The following GNL2 variants were observed in gnomAD, a reference collection of about 807,000 sequenced individuals.
GNL2 encodes the protein nucleolar GTP-binding protein 2.
Under a neutral mutation model 92.3 loss-of-function variants are expected in GNL2, and 51 were observed. The observed-to-expected ratio is 0.55, with a 90% CI of 0.44 to 0.70. The LOEUF (loss-of-function observed/expected upper bound fraction) is 0.70, where lower values mean the gene tolerates loss of function less well. Ranked by LOEUF, GNL2 falls within the 30% of genes least tolerant of loss-of-function variation. The pLI, the probability that GNL2 is intolerant of heterozygous loss-of-function variation, is 0.00. For synonymous variants in GNL2, 283 were observed against 300.6 expected (o/e 0.94, Z 0.61); for missense variants, 844 against 895.6 (o/e 0.94, Z 0.74).
intron 10 of GNL2, 72 bp from the exon 11 acceptor site, chr1:37,574,895 C>T (rs1252835071): frequency 2.8e-6 from 3 of 1,089,658 alleles, no homozygotes; most frequent in Non-Finnish European, 4.1e-6. Flanking sequence ...GTGTCCTTTG[C>T]AGCACTATTT....
At chr1:37,594,846 C>G (rs1009603463) in intron 1 of GNL2, among the ~76,000 whole-genome samples, 1 of 152,172 alleles carries the variant, frequency 6.6e-6, no homozygotes, top group South Asian at 2.1e-4. Flanking sequence ...TGGCCAGGAG[C>G]CCCTTAAATC....
intron 12 of GNL2, 73 bp from the exon 13 acceptor site, chr1:37,569,375 T>C: frequency 9.6e-7 from 1 of 1,041,800 alleles, no homozygotes; most frequent in Non-Finnish European, 1.4e-6. Flanking sequence ...ACTCATATCT[T>C]GCTCTTAAAC....
intron 8 of GNL2, among the ~76,000 whole-genome samples, chr1:37,579,035 C>T (rs1163453851): frequency 6.6e-6 from 1 of 151,960 alleles, no homozygotes; most frequent in Non-Finnish European, 1.5e-5. Context: ...AATTTTTAAG[C>T]GTGACTGTAG....
At position 37,583,871 on chromosome 1, in the gene GNL2, T is replaced by G; in HGVS notation, c.632A>C (p.Tyr211Ser). 1 of 1,551,132 alleles carries G rather than the reference T, an allele frequency of 6.4e-7. No individual in the cohort carries two copies. The highest frequency in any genetic ancestry group is 8.9e-7 in the Non-Finnish European group (1 of 1,122,132). ...GQSKRIWGEL[Y>S]KVIDSSDVVV... is the part of the protein sequence containing the mutation. Reference sequence around the variant, plus strand: ...GAGAGAATTTAGGAGTCTTACCTTGTAGAGCTCACCCCATATTCTTTTGGA... The same window carrying G: ...GAGAGAATTTAGGAGTCTTACCTTGGAGAGCTCACCCCATATTCTTTTGGA... The change falls in exon 6 of 16, where the codon TAC becomes TCC. Residue 211 changes from tyrosine (Y) to serine (S), a missense_variant. Transcript: ENST00000373062.
At chr1:37,583,835 C>A in intron 6 of GNL2, 32 bp downstream of exon 6, 1 of 1,239,936 alleles carries the variant, frequency 8.1e-7, no homozygotes, top group African/African-American at 1.5e-5. Flanking sequence ...GCCCAAGGAA[C>A]CACTCAATGG....
chr1:37,590,717 T>C lies in GNL2; in HGVS notation c.373A>G (p.Ile125Val), dbSNP rs1643882526. The change falls in exon 4 of 16, where the codon ATC (isoleucine) becomes GTC (valine). Residue 125 changes from isoleucine (I) to valine (V), a missense_variant. By Grantham distance (29) the Ile-to-Val change is conservative (BLOSUM62 3). Transcript: ENST00000373062. Reference sequence around the variant, plus strand: ...ATCCTACATCTTACATGAGGCCGGATTCGATCATGGAGAAGAGACATTGGT... The same window carrying C: ...ATCCTACATCTTACATGAGGCCGGACTCGATCATGGAGAAGAGACATTGGT... ...KLPMSLLHDR[I>V]RPHNLKVHIL... is the part of the protein sequence containing the mutation. The C allele has an allele frequency of 6.2e-7, 1 of 1,613,514 alleles. No individual in the cohort carries two copies. Among genetic ancestry groups the C allele is most frequent in the Non-Finnish European group, 8.5e-7 (1 of 1,179,542 alleles).
intron 8 of GNL2, among the ~76,000 whole-genome samples, chr1:37,578,438 C>CAA (rs776937906): frequency 2.1e-4 from 21 of 100,892 alleles, no homozygotes; most frequent in Non-Finnish European, 2.8e-4. Context: ...GACTCTGTCT[C>CAA]AAAAAAAAAA....
intron 8 of GNL2, 36 bp from the exon 9 acceptor site, chr1:37,576,592 G>T: frequency 6.2e-7 from 1 of 1,602,814 alleles, no homozygotes. Context: ...CATACATGCA[G>T]TCATATATAT....
chr1:37,583,195 T>C (rs1006206030), intron 6 of GNL2: 8 of 277,258 alleles, frequency 2.9e-5, no homozygotes, highest in African/African-American at 1.3e-4. Context: ...CTAACTACTA[T>C]GGATTATTGA....
chr1:37,595,105 C>A (rs534079866), intron 1 of GNL2, among the ~76,000 whole-genome samples: 5 of 152,140 alleles, frequency 3.3e-5, no homozygotes, highest in Admixed American at 2.6e-4. Flanking sequence ...ATTATCAATC[C>A]GGAATAAACA....
At chr1:37,583,797 A>G (rs1008923214) in intron 6 of GNL2, 70 bp downstream of exon 6, 1 of 893,442 alleles carries the variant, frequency 1.1e-6, no homozygotes, top group African/African-American at 1.6e-5. Context: ...ATATATCAAA[A>G]TTAGTTTTCT....
In GNL2 at chr1:37,567,021, C is replaced by T. The variant is rs200023217; in HGVS notation, c.2044-14G>A. 8 of 1,600,818 alleles carry T rather than the reference C, an allele frequency of 5.0e-6. No individual in the cohort carries two copies. The South Asian group carries it at 8.0e-5, about 16-fold the overall frequency. ...TGCTCGCCTCCGCTGTAAAAAATGG[C>T]AAGAAAAGATGAAGAAAAAAAACAA... On this transcript the variant is annotated splice_polypyrimidine_tract_variant and intron_variant, in intron 15 of 15. Transcript: ENST00000373062.
chr1:37,582,789 T>C lies in GNL2; in HGVS notation c.784A>G (p.Thr262Ala), dbSNP rs896691512. ...FVLNKCDLVP[T>A]WATKRWVAVL... The stretch of plus-strand genomic sequence containing the variant: ...GTAGTTGTACTTACTGTTGCCCAGG[T>C]TGGAACAAGGTCACATTTGTTAAGT... The change falls in exon 7 of 16, where the codon ACC (threonine) becomes GCC (alanine). Residue 262 changes from threonine (T) to alanine (A), a missense_variant. Physicochemically the swap from Thr to Ala is moderately conservative, Grantham distance 58. Transcript: ENST00000373062. 5 of 1,612,528 alleles carry C rather than the reference T, an allele frequency of 3.1e-6. No homozygotes were observed. The highest frequency in any genetic ancestry group is 4.2e-6 in the Non-Finnish European group (5 of 1,179,624).
At chr1:37,581,952 C>T (rs572734226) in intron 8 of GNL2, among the ~76,000 whole-genome samples, 7 of 151,850 alleles carry the variant, frequency 4.6e-5, no homozygotes, top group South Asian at 2.1e-4. Context: ...TGTGAGCCAC[C>T]GCGCCCGGCC....
intron 5 of GNL2, among the ~76,000 whole-genome samples, chr1:37,584,362 C>A (rs1236172234): frequency 6.6e-6 from 1 of 151,322 alleles, no homozygotes; most frequent in African/African-American, 2.4e-5. Context: ...GGTGGGAGAA[C>A]TCCTTGAGCC....
At chr1:37,577,424 A>G (rs1480013027) in intron 8 of GNL2, among the ~76,000 whole-genome samples, 3 of 152,226 alleles carry the variant, frequency 2.0e-5, no homozygotes, top group African/African-American at 7.2e-5. Flanking sequence ...GACTGAACAT[A>G]CATGCTAACC....
rs557051953 is a variant in GNL2 at position 37,578,148 on chromosome 1, T to C, written c.910-1592A>G. Among the ~76,000 whole-genome samples, 7 of 152,100 alleles carry C rather than the reference T, an allele frequency of 4.6e-5. No homozygotes were observed. The South Asian group carries it at 1.2e-3, about 27-fold the overall frequency. On this transcript the variant is annotated intron_variant, in intron 8 of 15. Transcript: ENST00000373062. ...ACAGGATGTCCTCCCAACAAAAAAT[T>C]TGGGTCCCAGTCAGGCACAGTGGCT... is the stretch of plus-strand genomic sequence containing the variant.
chr1:37,567,320 G>A (rs942281872), intron 15 of GNL2, among the ~76,000 whole-genome samples: 1 of 152,162 alleles, frequency 6.6e-6, no homozygotes, highest in African/African-American at 2.4e-5. Context: ...CCTCCCCAGA[G>A]GGCCCACTCT....
At chr1:37,587,613 C>A in intron 4 of GNL2, 118 bp from the exon 5 acceptor site, 2 of 593,266 alleles carry the variant, frequency 3.4e-6, no homozygotes, top group East Asian at 6.0e-5. Context: ...CAACCCATAC[C>A]CAAATCTGTA....
Sources: gnomAD v4.1 joint callset for allele counts (sites outside exome capture counted in the v4.1 genomes callset) on GRCh38, gnomAD v4.1.1 for gene constraint, MANE v1.5 for transcripts, NCBI Gene and HGNC (gene_info 2026-07-23, HGNC 2026-07-21) for gene names.